TRAP1: variants seen among roughly 807,000 people sequenced by gnomAD.
TRAP1 encodes TNF receptor associated protein 1.
A neutral mutation model predicts 89.1 loss-of-function variants in TRAP1; 102 were observed. The ratio of observed to expected loss-of-function variants is 1.15; its 90% CI spans 0.98 to 1.35. The LOEUF (loss-of-function observed/expected upper bound fraction) is 1.35. TRAP1 is among the 40% of genes most tolerant of loss of function. TRAP1 has a pLI of 0.00. For missense variants in TRAP1, 1,256 were observed against 945.3 expected, an observed-to-expected ratio of 1.33 and a Z score of -4.31; for synonymous variants, 508 against 388.0, an observed-to-expected ratio of 1.31 and a Z score of -3.64.
intron 3 of TRAP1, 51 bp downstream of exon 3, chr16:3,689,004 T>A (rs749167772): frequency 1.3e-6 from 2 of 1,537,380 alleles, no homozygotes; most frequent in African/African-American, 1.4e-5. Flanking sequence ...AAAAACCAGC[T>A]TTGTGAAAAG....
At chr16:3,710,289 A>C (rs2051511038) in intron 1 of TRAP1, 1 of 152,206 alleles carries the variant, frequency 6.6e-6, no homozygotes, top group South Asian at 2.1e-4. Flanking sequence ...CAAGTTTCCC[A>C]GCCACATCTG....
chr16:3,691,918 G>A (rs2051219501), intron 1 of TRAP1, among the ~76,000 whole-genome samples: 1 of 152,142 alleles, frequency 6.6e-6, no homozygotes, highest in Non-Finnish European at 1.5e-5. Flanking sequence ...AGCCCAGCGA[G>A]GGAGGAAAGC....
At chr16:3,693,854 G>A (rs536222493) in intron 1 of TRAP1, among the ~76,000 whole-genome samples, 1 of 152,218 alleles carries the variant, frequency 6.6e-6, no homozygotes, top group South Asian at 2.1e-4. Flanking sequence ...CTAGCCAGGT[G>A]TAGTGGTGTG....
intron 1 of TRAP1, among the ~76,000 whole-genome samples, chr16:3,708,414 G>A (rs191319012): frequency 8.5e-4 from 129 of 152,214 alleles, no homozygotes; most frequent in African/African-American, 3.0e-3. Flanking sequence ...TGAGGCGGAT[G>A]GATCATGAGG....
intron 6 of TRAP1, 46 bp from the exon 7 acceptor site, chr16:3,676,191 G>C: frequency 6.5e-7 from 1 of 1,550,108 alleles, no homozygotes; most frequent in Non-Finnish European, 8.9e-7. Flanking sequence ...GTGACACTGG[G>C]ACATACCCTG....
chr16:3,696,592 G>A (rs2051290660), intron 1 of TRAP1, among the ~76,000 whole-genome samples: 1 of 152,180 alleles, frequency 6.6e-6, no homozygotes, highest in African/African-American at 2.4e-5. Context: ...GTCTCACTCT[G>A]TTGCCCAGGC....
chr16:3,702,843 G>C (rs1254833202), intron 1 of TRAP1, among the ~76,000 whole-genome samples: 9 of 151,530 alleles, frequency 5.9e-5, no homozygotes, highest in African/African-American at 1.5e-4. Flanking sequence ...GGGAGTTTGA[G>C]ACCAGCCTGA....
At chr16:3,700,104 C>T (rs980245961) in intron 1 of TRAP1, among the ~76,000 whole-genome samples, 1 of 152,284 alleles carries the variant, frequency 6.6e-6, no homozygotes, top group South Asian at 2.1e-4. Context: ...CAGTAACACT[C>T]TTTGAAGACA....
intron 5 of TRAP1, 93 bp from the exon 6 acceptor site, chr16:3,677,751 C>G (rs1017291806): frequency 1.4e-6 from 2 of 1,431,922 alleles, no homozygotes; most frequent in Admixed American, 2.3e-5. Flanking sequence ...CGCTAAGACC[C>G]CTTCATCCTG....
intron 4 of TRAP1, among the ~76,000 whole-genome samples, chr16:3,680,571 G>A (rs528749901): frequency 6.6e-5 from 10 of 152,360 alleles, no homozygotes; most frequent in East Asian, 5.8e-4. Flanking sequence ...TGGGAACAGC[G>A]GGCACAGACG....
At chr16:3,669,753 A>C (rs549170702) in intron 11 of TRAP1, among the ~76,000 whole-genome samples, 12 of 150,648 alleles carry the variant, frequency 8.0e-5, no homozygotes, top group Middle Eastern at 3.4e-3. Flanking sequence ...GAATGGCATG[A>C]ACCCGGGAGG....
At chr16:3,659,774 TAGATAGA>T (rs2042963610) in intron 16 of TRAP1, 1 of 148,914 alleles carries the variant, frequency 6.7e-6, no homozygotes, top group South Asian at 2.1e-4. Context: ...GATAGATAGA[TAGATAGA>T]CTCTCACTCC....
At chr16:3,712,094 T>C (rs2051538905) in intron 1 of TRAP1, among the ~76,000 whole-genome samples, 1 of 151,858 alleles carries the variant, frequency 6.6e-6, no homozygotes, top group Non-Finnish European at 1.5e-5. Flanking sequence ...ATTGAGACCA[T>C]CTTGCCCAAC....
At chr16:3,661,534 G>C (rs979120093) in intron 16 of TRAP1, 1 of 153,800 alleles carries the variant, frequency 6.5e-6, no homozygotes, top group Non-Finnish European at 1.4e-5. Flanking sequence ...AGAGCAGAAC[G>C]GAGCAGTCTG....
chr16:3,662,994 T>C, intron 14 of TRAP1, 27 bp from the exon 15 acceptor site: 3 of 1,562,744 alleles, frequency 1.9e-6, no homozygotes, highest in East Asian at 2.4e-5. Context: ...GACAGGGAGC[T>C]CAGGCCTGCA....
At chr16:3,663,303 C>A in intron 14 of TRAP1, 121 bp downstream of exon 14, 1 of 1,364,934 alleles carries the variant, frequency 7.3e-7, no homozygotes, top group Non-Finnish European at 1.0e-6. Flanking sequence ...CAAGGCTCTT[C>A]TCGGGGGTGG....
Position 3,690,856 on chromosome 16 carries a change from G to A in TRAP1, c.218C>T (p.Ser73Leu), listed in dbSNP as rs1379885318. ...CACGCTCTCTGTGCTGCTGATAATC[G>A]AGTGCAGGGGTTCCTCCTTGTCCTC... ...TAEDKEEPLHSIISSTESVQG... is the reference protein window; with the variant it reads ...TAEDKEEPLHLIISSTESVQG... Residue 73 changes from serine (S) to leucine (L), a missense_variant, in exon 2 of 18, where the codon TCG becomes TTG. Coordinates refer to ENST00000246957, the MANE Select transcript of TRAP1 (RefSeq NM_016292.3). 4.5e-6 allele frequency: 7 copies of A among 1,554,616 alleles called. No individual in the cohort carries two copies. Among genetic ancestry groups the A allele is most frequent in the African/African-American group, 4.2e-5 (3 of 71,754 alleles).
intron 1 of TRAP1, among the ~76,000 whole-genome samples, chr16:3,695,436 C>T (rs1013975047): frequency 4.0e-5 from 6 of 150,592 alleles, no homozygotes; most frequent in African/African-American, 1.2e-4. Flanking sequence ...CTCGGGAGGC[C>T]GAGGTGGAAG....
chr16:3,675,477 C>T (rs1342713187), intron 7 of TRAP1, 80 bp from the exon 8 acceptor site: 39 of 1,402,500 alleles, frequency 2.8e-5, no homozygotes, highest in Middle Eastern at 3.7e-4. Flanking sequence ...CCAGGATGAG[C>T]GCCAGCCTGC....
Sources: allele counts gnomAD v4.1 joint callset (sites outside exome capture counted in the v4.1 genomes callset), GRCh38; gene constraint gnomAD v4.1.1; transcripts MANE v1.5; gene names NCBI Gene and HGNC (gene_info 2026-07-23, HGNC 2026-07-21).